RFLNA: variants seen among roughly 807,000 people sequenced by gnomAD.
RFLNA encodes the protein refilin-A.
Under a neutral mutation model 7.8 loss-of-function variants are expected in RFLNA, and 5 were observed. That is an observed-to-expected ratio of 0.64 (90% confidence interval 0.34 to 1.35). The LOEUF (loss-of-function observed/expected upper bound fraction) is 1.35. Among genes scored for constraint, RFLNA ranks in the 40% most tolerant of loss-of-function variants. The pLI is 0.04. For missense variants in RFLNA, 278 were observed against 305.5 expected (o/e 0.91, Z 0.67); for synonymous variants, 141 against 131.3 (o/e 1.07, Z -0.50).
At chr12:124,300,337 C>T (rs77011997) in intron 1 of RFLNA, among the ~76,000 whole-genome samples, 9 of 152,310 alleles carry the variant, frequency 5.9e-5, no homozygotes, top group East Asian at 3.9e-4. Flanking sequence ...CTAAGGAAGA[C>T]GTGCTGGATC....
At chr12:124,299,655 C>T (rs1251085442) in intron 1 of RFLNA, among the ~76,000 whole-genome samples, 1 of 152,236 alleles carries the variant, frequency 6.6e-6, no homozygotes. Context: ...GTCTCCAATT[C>T]CATCCAGGTT....
intron 2 of RFLNA, among the ~76,000 whole-genome samples, chr12:124,313,920 G>T (rs954416722): frequency 6.6e-5 from 10 of 152,136 alleles, no homozygotes; most frequent in African/African-American, 2.4e-4. Flanking sequence ...CCATCGTCCC[G>T]ATAAGGTCCT....
Position 124,289,169 on chromosome 12 carries a change from C to T in RFLNA, c.-238C>T, listed in dbSNP as rs941212756. 6.6e-6 allele frequency: 1 copy of T among 152,168 alleles called. No homozygotes were observed. The highest frequency in any genetic ancestry group is 2.4e-5 in the African/African-American group (1 of 41,434). 9.4% of individuals were successfully genotyped at this position (152,168 alleles called of 1,614,324 possible). A position where few individuals can be genotyped will look rare whatever the true frequency, so the allele number is the denominator to read the frequency against. On this transcript the variant is annotated 5_prime_UTR_variant, in exon 1 of 3. Transcript: ENST00000324038. The surrounding 1 kb of genome is among the most constrained non-coding windows in gnomAD (Gnocchi z 5.0). ...TTACGGAGTGTGTTTTCACTACACT[C>T]AGTCTCTGATTTTATCCCTGCCCTG...
intron 1 of RFLNA, among the ~76,000 whole-genome samples, chr12:124,300,561 A>AGGATGGATGGAT (rs201196603): frequency 6.6e-6 from 1 of 151,554 alleles, no homozygotes; most frequent in Admixed American, 6.6e-5. Flanking sequence ...GGGGTTGGGA[A>AGGATGGATGGAT]GGATGGATGG....
intron 1 of RFLNA, among the ~76,000 whole-genome samples, chr12:124,307,983 CTTT>C (rs35040581): frequency 2.9e-5 from 4 of 138,314 alleles, no homozygotes; most frequent in Middle Eastern, 3.6e-3. Flanking sequence ...TGTGTCCGCT[CTTT>C]TTTTTTTTTT....
intron 2 of RFLNA, among the ~76,000 whole-genome samples, chr12:124,312,588 G>A (rs2034265237): frequency 6.6e-6 from 1 of 152,184 alleles, no homozygotes; most frequent in South Asian, 2.1e-4. Context: ...TGGGATGACA[G>A]GTGTGAGTCA....
chr12:124,299,590 A>C (rs1392684167), intron 1 of RFLNA, among the ~76,000 whole-genome samples: 1 of 152,172 alleles, frequency 6.6e-6, no homozygotes, highest in Non-Finnish European at 1.5e-5. Flanking sequence ...CCACTTATAA[A>C]TGAGAAATAC....
rs1385757066 is a variant in RFLNA, at chr12:124,289,707, G to A, written c.-37+337G>A. Among the ~76,000 whole-genome samples, 1 of 152,220 alleles carries A rather than the reference G, an allele frequency of 6.6e-6. No homozygotes were observed. The highest frequency in any genetic ancestry group is 2.4e-5 in the African/African-American group (1 of 41,466). ...CTCCGAGAGGACACGGGCTAAAAAT[G>A]AAGAGGTGAGTCACTGCTGGAGCTC... On this transcript the variant is annotated intron_variant, in intron 1 of 2. Coordinates refer to the RFLNA transcript ENST00000324038. The surrounding 1 kb of genome is among the most constrained non-coding windows in gnomAD (Gnocchi z 5.0).
intron 1 of RFLNA, among the ~76,000 whole-genome samples, chr12:124,309,204 TC>T (rs750221957): frequency 3.3e-5 from 5 of 151,132 alleles, no homozygotes; most frequent in Admixed American, 6.6e-5. Context: ...GGACTCTGCT[TC>T]CCCCCCACCG....
intron 2 of RFLNA, among the ~76,000 whole-genome samples, chr12:124,313,534 C>A (rs1451540886): frequency 1.3e-5 from 2 of 152,214 alleles, no homozygotes; most frequent in Middle Eastern, 3.4e-3. Context: ...AAAAAATTAG[C>A]CAGGCATGGT....
chr12:124,293,979 A>G (rs556710933), upstream of RFLNA, among the ~76,000 whole-genome samples: 2 of 152,090 alleles, frequency 1.3e-5, no homozygotes, highest in African/African-American at 4.8e-5. Context: ...CTTCCCTTAG[A>G]CTCACAGCCT....
At position 124,315,648 on chromosome 12, in the gene RFLNA, G is replaced by A. The variant is rs911495198; in HGVS notation, c.*1123G>A. ...ACAAGCCAGGATGCACGGGGAGCTG[G>A]GGGAGCCCCCAGCCTGGGGCAGCCC... On this transcript the variant is annotated 3_prime_UTR_variant, in exon 3 of 3. Transcript: ENST00000546355. 1 of 152,282 alleles carries A rather than the reference G, an allele frequency of 6.6e-6. No individual in the cohort carries two copies. The highest frequency in any genetic ancestry group is 1.9e-4 in the East Asian group (1 of 5,184). The allele number at this position is 152,282 out of a possible 1,614,324, so 9.4% of individuals were successfully genotyped here.
upstream of RFLNA, among the ~76,000 whole-genome samples, chr12:124,293,493 T>G (rs74846269): frequency 1.4e-4 from 22 of 152,092 alleles, no homozygotes; most frequent in East Asian, 4.1e-3. Context: ...TTCGTCCTAG[T>G]CAGTGACAGT....
intron 1 of RFLNA, among the ~76,000 whole-genome samples, chr12:124,310,172 C>CAAAAAAAAAAAAAAA (rs71088996): frequency 0.04 from 679 of 17,080 alleles, 201 homozygotes; most frequent in East Asian, 0.26. Context: ...GACTCTGTCT[C>CAAAAAAAAAAAAAAA]AAAAAAAAAA....
At chr12:124,310,195 A>AAAAAAAAAAAAAAAAAAAC (rs1227402468) in intron 1 of RFLNA, among the ~76,000 whole-genome samples, 2 of 146,098 alleles carry the variant, frequency 1.4e-5, no homozygotes, top group Non-Finnish European at 3.0e-5. Flanking sequence ...AAAAAAAAAA[A>AAAAAAAAAAAAAAAAAAAC]AGCCTTTAGA....
intron 1 of RFLNA, among the ~76,000 whole-genome samples, chr12:124,299,996 C>T (rs1043395383): frequency 2.0e-5 from 3 of 152,200 alleles, no homozygotes; most frequent in East Asian, 1.9e-4. Context: ...ATGGGCAGTT[C>T]GGAGAAGTAG....
chr12:124,294,820 G>C (rs577038696), upstream of RFLNA, among the ~76,000 whole-genome samples: 10 of 152,274 alleles, frequency 6.6e-5, no homozygotes, highest in Non-Finnish European at 1.5e-4. Flanking sequence ...AGAGCACCAC[G>C]AAATAGGATG....
intron 1 of RFLNA, among the ~76,000 whole-genome samples, chr12:124,297,071 C>T (rs755822058): frequency 2.6e-5 from 4 of 152,320 alleles, no homozygotes; most frequent in Non-Finnish European, 4.4e-5. Flanking sequence ...TTGGCACTGT[C>T]GCCCATTTGA....
intron 1 of RFLNA, among the ~76,000 whole-genome samples, chr12:124,308,678 G>A (rs954224002): frequency 1.3e-5 from 2 of 152,254 alleles, no homozygotes; most frequent in African/African-American, 4.8e-5. Context: ...TTTTCACACA[G>A]GCAGACAGAG....
Sources: gnomAD v4.1 joint callset for allele counts (sites outside exome capture counted in the v4.1 genomes callset) on GRCh38, gnomAD v4.1.1 for gene constraint, Gnocchi (gnomAD v3.1) non-coding constraint, MANE v1.5 for transcripts, NCBI Gene and HGNC (gene_info 2026-07-23, HGNC 2026-07-21) for gene names.